Variants in RYR1 observed in about 807,000 individuals in gnomAD.
The protein encoded by RYR1 is central core disease of muscle.
A neutral mutation model predicts 583.5 loss-of-function variants in RYR1; 342 were observed. That is an observed-to-expected ratio of 0.59 (90% CI 0.54 to 0.64). The LOEUF (loss-of-function observed/expected upper bound fraction) is 0.64, where lower values mean the gene tolerates loss of function less well. Ranked by LOEUF, RYR1 falls within the 30% of genes least tolerant of loss-of-function variation. The pLI is 0.00. For missense variants in RYR1, 6,032 were observed against 6,917.2 expected (o/e 0.87, Z 4.54); for synonymous variants, 2,791 against 2,822.5 (o/e 0.99, Z 0.35).
chr19:38,517,697 T>TC lies in RYR1; in HGVS notation c.10018+7dup. The TC allele has an allele frequency of 6.2e-7, 1 of 1,613,688 alleles. No individual in the cohort carries two copies. Among genetic ancestry groups the TC allele is most frequent in the Non-Finnish European group, 8.5e-7 (1 of 1,179,768 alleles). On this transcript the variant is annotated splice_region_variant and intron_variant, in intron 66 of 105. Coordinates refer to ENST00000359596, the MANE Select transcript of RYR1 (RefSeq NM_000540.3). ...CTGGATGAAGCGGCTGGCTGGTGGG[T>TC]CGGGGGGCACTGGGCCTCTGAGGGG... is the stretch of plus-strand genomic sequence containing the variant.
At chr19:38,468,846 C>A in intron 25 of RYR1, 120 bp from the exon 26 acceptor site, 1 of 1,038,940 alleles carries the variant, frequency 9.6e-7, no homozygotes. Context: ...TTCCATACCA[C>A]CTGCCCTGAA....
intron 78 of RYR1, among the ~76,000 whole-genome samples, chr19:38,533,072 G>A (rs1391873797): frequency 6.6e-6 from 1 of 151,950 alleles, no homozygotes; most frequent in African/African-American, 2.4e-5. Flanking sequence ...GAACCTCAGG[G>A]GGATAAAGCA....
rs375127981 is a variant in RYR1 at position 38,525,380 on chromosome 19, C to T, written c.10504C>T (p.Arg3502Trp). The stretch of plus-strand genomic sequence containing the variant: ...CACCAAGAAGAAGCGCCGGGGGGAC[C>T]GGTACTCTGTGCAGACGTCACTGAT... ...ERTKKKRRGD[R>W]YSVQTSLIVA... Residue 3502 changes from arginine to tryptophan, a missense_variant, in exon 71 of 106, where the codon CGG (arginine) becomes TGG (tryptophan). By Grantham distance (101) the Arg-to-Trp change is moderately radical. Around this residue, in one of 11 missense-constraint regions of RYR1, gnomAD observed 1,493 missense variants for 1,715.5 expected, o/e 0.87. Coordinates refer to ENST00000359596, the MANE Select transcript of RYR1 (RefSeq NM_000540.3). 10 of 1,613,784 alleles carry T rather than the reference C, an allele frequency of 6.2e-6. No homozygotes were observed. The highest frequency in any genetic ancestry group is 1.3e-5 in the African/African-American group (1 of 74,802).
chr19:38,518,867 C>A (rs1398131191), intron 66 of RYR1, among the ~76,000 whole-genome samples: 1 of 151,308 alleles, frequency 6.6e-6, no homozygotes, highest in Non-Finnish European at 1.5e-5. Flanking sequence ...GCAGAGGTTG[C>A]AGTGAGCCAA....
intron 54 of RYR1, 115 bp downstream of exon 54, chr19:38,506,061 G>A (rs1363210938): frequency 1.4e-6 from 2 of 1,395,000 alleles, no homozygotes; most frequent in African/African-American, 1.4e-5. Context: ...AGGTAGGTGG[G>A]GCAAGAGGGG....
chr19:38,554,835 T>C (rs1024632802), intron 89 of RYR1, among the ~76,000 whole-genome samples: 3 of 152,174 alleles, frequency 2.0e-5, no homozygotes, highest in African/African-American at 7.2e-5. Context: ...GTTATCTTCA[T>C]TGTTTTCCTA....
intron 13 of RYR1, among the ~76,000 whole-genome samples, chr19:38,454,119 C>T (rs1455021100): frequency 6.6e-6 from 1 of 152,200 alleles, no homozygotes; most frequent in East Asian, 1.9e-4. Context: ...TCACTGCAAC[C>T]TCCACCTCCC....
intron 89 of RYR1, among the ~76,000 whole-genome samples, chr19:38,556,324 C>T (rs1288855843): frequency 6.6e-6 from 1 of 151,512 alleles, no homozygotes; most frequent in African/African-American, 2.4e-5. Context: ...TCTATAAAAA[C>T]TTTAAAAAAT....
At position 38,477,848 on chromosome 19, in the gene RYR1, G is replaced by T; in HGVS notation, c.4432G>T (p.Glu1478Ter). 1 of 1,425,494 alleles carries T rather than the reference G, an allele frequency of 7.0e-7. No homozygotes were observed. The highest frequency in any genetic ancestry group is 9.4e-7 in the Non-Finnish European group (1 of 1,062,506). 88.3% of individuals were successfully genotyped at this position (1,425,494 alleles called of 1,614,324 possible). ...GGTCGTGACGGTGACCATGGGGGAT[G>T]AACAAGGCAACGTCCACAGCAGGTG... ...VRVVTVTMGD[E>*]QGNVHSSLKC... Residue 1478 changes from glutamate to a stop codon, truncating the protein, a stop_gained, in exon 30 of 106, where the codon GAA (glutamate) becomes TAA (stop). Coordinates refer to ENST00000359596, the MANE Select transcript of RYR1 (RefSeq NM_000540.3). LOFTEE classifies it high-confidence loss of function.
chr19:38,586,600 C>A, intron 105 of RYR1, 24 bp downstream of exon 105: 3 of 1,610,246 alleles, frequency 1.9e-6, no homozygotes, highest in Non-Finnish European at 2.5e-6. Flanking sequence ...AATGGGAGGA[C>A]AGTGGGCAGG....
chr19:38,533,783 CAAA>C (rs1307585464), intron 78 of RYR1, among the ~76,000 whole-genome samples: 7 of 76,318 alleles, frequency 9.2e-5, no homozygotes, highest in Non-Finnish European at 1.1e-4. Flanking sequence ...GACTCCATCT[CAAA>C]AAAAAAAAAA....
rs1971532834 is a variant in RYR1, at chr19:38,527,737, G to A, written c.10777G>A (p.Val3593Met). The A allele has an allele frequency of 6.2e-7, 1 of 1,614,072 alleles. No individual in the cohort carries two copies. Among genetic ancestry groups the A allele is most frequent in the Non-Finnish European group, 8.5e-7 (1 of 1,180,012 alleles). The change falls in exon 73 of 106, where the codon GTG becomes ATG. Residue 3593 changes from valine to methionine, a missense_variant. Physicochemically the swap from Val to Met is conservative, Grantham distance 21 (BLOSUM62 1). Transcript: ENST00000359596. ...GGACGCCGATGACCCCGAGAAAATC[G>A]TGCGCAGAGTCCAGGAAGTGTCAGC... ...EEDADDPEKI[V>M]RRVQEVSAVL... is the part of the protein sequence containing the mutation.
intron 1 of RYR1, 77 bp downstream of exon 1, chr19:38,433,951 C>T: frequency 7.6e-7 from 1 of 1,310,624 alleles, no homozygotes; most frequent in Admixed American, 1.7e-5. Context: ...CTGAATGTCC[C>T]TGTCCGGCTT....
intron 89 of RYR1, among the ~76,000 whole-genome samples, chr19:38,556,121 C>T (rs1641153713): frequency 6.6e-6 from 1 of 152,078 alleles, no homozygotes; most frequent in Admixed American, 6.6e-5. Flanking sequence ...TCCTCACCCT[C>T]CGAAAGTGCT....
chr19:38,477,629 A>G (rs1225006277), intron 29 of RYR1, 81 bp from the exon 30 acceptor site: 4 of 1,592,128 alleles, frequency 2.5e-6, no homozygotes, highest in Non-Finnish European at 3.4e-6. Flanking sequence ...CCAACAGTCC[A>G]GGGAAACCAA....
In RYR1 at chr19:38,535,165, C is replaced by T. The variant is rs1206656942; in HGVS notation, c.11384C>T (p.Ser3795Phe). Reference protein sequence around the residue: ...CKGETGAMVSSTLKLGISILN... With the variant: ...CKGETGAMVSFTLKLGISILN... Reference sequence around the variant, plus strand: ...GGAGAGACAGGTGCCATGGTGTCCTCCACCCTGAAGCTGGGCATCTCCATC... The same window carrying T: ...GGAGAGACAGGTGCCATGGTGTCCTTCACCCTGAAGCTGGGCATCTCCATC... Residue 3795 changes from serine (S) to phenylalanine (F), a missense_variant, in exon 80 of 106, where the codon TCC becomes TTC. Ser to Phe is a radical substitution (Grantham distance 155). This residue lies in a region of RYR1 where 1,493 missense variants were observed against 1,715.5 expected (regional missense o/e 0.87). Transcript: ENST00000359596. 1 of 1,614,092 alleles carries T rather than the reference C, an allele frequency of 6.2e-7. No homozygotes were observed. Among genetic ancestry groups the T allele is most frequent in the Non-Finnish European group, 8.5e-7 (1 of 1,180,040 alleles).
At chr19:38,433,904 G>A (rs1186175377) in intron 1 of RYR1, 30 bp downstream of exon 1, 3 of 1,603,056 alleles carry the variant, frequency 1.9e-6, no homozygotes, top group Non-Finnish European at 2.6e-6. Flanking sequence ...GGGCCTGTGG[G>A]GCTATCTCTT....
Position 38,575,882 on chromosome 19 carries a change from C to T in RYR1, c.14130-37C>T, listed in dbSNP as rs1973934738. On this transcript the variant is annotated intron_variant, in intron 96 of 105. Coordinates refer to ENST00000359596, the MANE Select transcript of RYR1 (RefSeq NM_000540.3). ...ACAGCTCTGATCCCTCTGGCCCTAA[C>T]ATCTTATACTCACGCTTTCTCTCTC... is the stretch of plus-strand genomic sequence containing the variant. The T allele has an allele frequency of 4.3e-6, 7 of 1,612,516 alleles. No individual in the cohort carries two copies. The South Asian group carries it at 6.6e-5, about 15-fold the overall frequency.
chr19:38,547,363 TAAAAATTACAA>T (rs1972479293), intron 88 of RYR1, among the ~76,000 whole-genome samples: 1 of 151,940 alleles, frequency 6.6e-6, no homozygotes, highest in Non-Finnish European at 1.5e-5. Context: ...CATTAAAATT[TAAAAATTACAA>T]AAATAAACTG....
Sources: gnomAD v4.1 joint callset for allele counts (sites outside exome capture counted in the v4.1 genomes callset) on GRCh38, gnomAD v4.1.1 for gene constraint, gnomAD v4.1.1 regional missense constraint, MANE v1.5 for transcripts, NCBI Gene and HGNC (gene_info 2026-07-23, HGNC 2026-07-21) for gene names.